The following FOXP2 variants were observed in gnomAD, a reference collection of about 807,000 sequenced individuals.
FOXP2 encodes the protein forkhead box protein P2.
Under a neutral mutation model 115.8 loss-of-function variants are expected in FOXP2, and 12 were observed. That is an observed-to-expected ratio of 0.10 (90% CI 0.07 to 0.17). The LOEUF is 0.17. Ranked by LOEUF, FOXP2 falls within the 10% of genes least tolerant of loss-of-function variation. The pLI is 1.00. For missense variants in FOXP2, 629 were observed against 843.5 expected (o/e 0.75, Z 3.15); for synonymous variants, 328 against 297.7 (o/e 1.10, Z -1.05).
intron 16 of FOXP2, chr7:114,669,282 G>T (rs548845022): frequency 6.6e-6 from 1 of 152,088 alleles, no homozygotes; most frequent in African/African-American, 2.4e-5. Flanking sequence ...AGTAGGAAAG[G>T]TTAAAGCCAG....
chr7:114,092,584 A>G (rs1405410209), intron 1 of FOXP2, among the ~76,000 whole-genome samples: 1 of 152,140 alleles, frequency 6.6e-6, no homozygotes, highest in Non-Finnish European at 1.5e-5. Flanking sequence ...AGTGGTAGAC[A>G]TATTTTGGAG....
At chr7:114,577,663 G>A (rs1350280157) in intron 3 of FOXP2, among the ~76,000 whole-genome samples, 1 of 151,840 alleles carries the variant, frequency 6.6e-6, no homozygotes, top group Non-Finnish European at 1.5e-5. Context: ...GAGAGAGATT[G>A]TGAGATATTT....
chr7:114,576,587 T>C (rs1437932228), intron 3 of FOXP2, among the ~76,000 whole-genome samples: 16 of 151,928 alleles, frequency 1.1e-4, no homozygotes. Flanking sequence ...GGTTTTGTTG[T>C]TGTTAATATA....
At chr7:114,278,292 TTATG>T (rs1796243059) in intron 1 of FOXP2, among the ~76,000 whole-genome samples, 2 of 152,108 alleles carry the variant, frequency 1.3e-5, no homozygotes, top group Non-Finnish European at 2.9e-5. Context: ...AGAGATGAGA[TTATG>T]TAAGAAAATT....
At chr7:114,632,513 G>T (rs543204494) in intron 6 of FOXP2, among the ~76,000 whole-genome samples, 6 of 152,250 alleles carry the variant, frequency 3.9e-5, no homozygotes, top group Admixed American at 1.3e-4. Flanking sequence ...TTTGGATTTT[G>T]TTGGGACAAA....
At chr7:114,410,459 C>A (rs955213138), upstream of FOXP2, among the ~76,000 whole-genome samples, 3 of 152,078 alleles carry the variant, frequency 2.0e-5, no homozygotes, top group Non-Finnish European at 2.9e-5. Flanking sequence ...GTCCCACTGT[C>A]TTCATCTGTA....
rs75054333 is a variant in FOXP2, at chr7:114,691,943, G to A, written c.*2017G>A. 0.077 allele frequency: 26,183 copies of A among 338,916 alleles called. 2 individuals carry two copies. Among genetic ancestry groups the A allele is most frequent in the South Asian group, 0.13 (5,745 of 45,012 alleles). The allele number at this position is 338,916 out of a possible 1,614,324, so 21.0% of individuals were successfully genotyped here. A position where few individuals can be genotyped will look rare whatever the true frequency, so the allele number is the denominator to read the frequency against. ...TTCTACCTCTGCAAAAAAAAAAAAA[G>A]AAAAAAAAAAAAAGAAAAACATTAG... On this transcript the variant is annotated 3_prime_UTR_variant, in exon 17 of 17. Coordinates refer to ENST00000350908, the MANE Select transcript of FOXP2 (RefSeq NM_014491.4).
intron 2 of FOXP2, among the ~76,000 whole-genome samples, chr7:114,451,553 G>A (rs770351827): frequency 3.3e-5 from 5 of 151,900 alleles, no homozygotes; most frequent in Admixed American, 2.0e-4. Flanking sequence ...AAGTCCCTCC[G>A]TCTCATCCTT....
chr7:114,645,129 A>ATAT (rs1805808039), intron 8 of FOXP2: 1 of 32,658 alleles, frequency 3.1e-5, no homozygotes, highest in Non-Finnish European at 6.3e-5. Context: ...GAGTCATCCT[A>ATAT]ATATATATAT....
At position 114,123,500 on chromosome 7, in the gene FOXP2, T is replaced by C. The variant is rs571242378; in HGVS notation, c.-247+35662T>C. On this transcript the variant is annotated intron_variant, in intron 1 of 19. Transcript: ENST00000635638. ...AGCAAAATTGTAATGAAAGTACCAA[T>C]ATGGAAAAGGCAACTATAATAAATT... is the stretch of plus-strand genomic sequence containing the variant. 7.5e-4 allele frequency among the ~76,000 whole-genome samples: 114 copies of C among 152,148 alleles called. 3 individuals are homozygous for C. The South Asian group carries it at 0.023, about 31-fold the overall frequency.
intron 2 of FOXP2, among the ~76,000 whole-genome samples, chr7:114,451,175 T>A (rs754756264): frequency 3.9e-5 from 6 of 152,084 alleles, no homozygotes; most frequent in Non-Finnish European, 8.8e-5. Context: ...GGAAGCATTT[T>A]AATGCTTGTT....
intron 2 of FOXP2, among the ~76,000 whole-genome samples, chr7:114,506,764 G>A (rs1797836584): frequency 6.6e-6 from 1 of 151,622 alleles, no homozygotes; most frequent in South Asian, 2.1e-4. Flanking sequence ...AAGTTCACAA[G>A]GCTCCAGAAC....
At chr7:114,429,865 C>G (rs1387814732) in intron 2 of FOXP2, among the ~76,000 whole-genome samples, 2 of 151,622 alleles carry the variant, frequency 1.3e-5, no homozygotes, top group African/African-American at 2.4e-5. Flanking sequence ...AGAATAGCGA[C>G]ATTTGTGTCT....
chr7:114,286,587 A>G (rs1324978618), intron 1 of FOXP2, among the ~76,000 whole-genome samples: 1 of 152,082 alleles, frequency 6.6e-6, no homozygotes, highest in Non-Finnish European at 1.5e-5. Flanking sequence ...TAACATAAGG[A>G]AAGCCAAGAG....
At chr7:114,382,930 G>T (rs1374203200) in intron 2 of FOXP2, among the ~76,000 whole-genome samples, 2 of 152,116 alleles carry the variant, frequency 1.3e-5, no homozygotes, top group Non-Finnish European at 2.9e-5. Context: ...AGTCCTTCTA[G>T]CACGCAAGTT....
At chr7:114,279,391 T>C (rs568081120) in intron 1 of FOXP2, among the ~76,000 whole-genome samples, 1 of 152,276 alleles carries the variant, frequency 6.6e-6, no homozygotes, top group East Asian at 1.9e-4. Flanking sequence ...AGTCCTTATA[T>C]AGTGGTGGTT....
chr7:114,679,642 C>A (rs1402531307), intron 16 of FOXP2, among the ~76,000 whole-genome samples: 1 of 151,966 alleles, frequency 6.6e-6, no homozygotes, highest in Non-Finnish European at 1.5e-5. Flanking sequence ...CTCCTTCCCC[C>A]ATGCACTCTC....
At chr7:114,362,485 T>C (rs1791777097) in intron 2 of FOXP2, among the ~76,000 whole-genome samples, 1 of 152,044 alleles carries the variant, frequency 6.6e-6, no homozygotes, top group Admixed American at 6.6e-5. Context: ...CAGAATGCCA[T>C]GCTAAACAAC....
At chr7:114,594,763 G>T (rs549087247) in intron 3 of FOXP2, among the ~76,000 whole-genome samples, 1 of 152,036 alleles carries the variant, frequency 6.6e-6, no homozygotes, top group South Asian at 2.1e-4. Flanking sequence ...TCCTATTTGG[G>T]CACAACTGCT....
Sources: gnomAD v4.1 joint callset for allele counts (sites outside exome capture counted in the v4.1 genomes callset) on GRCh38, gnomAD v4.1.1 for gene constraint, MANE v1.5 for transcripts, NCBI Gene and HGNC (gene_info 2026-07-23, HGNC 2026-07-21) for gene names.